Variants in B4GALT6 observed in about 807,000 individuals in gnomAD.
The protein encoded by B4GALT6 is UDP-Gal:beta-GlcNAc beta-1,4-galactosyltransferase 6.
Under a neutral mutation model 46.3 loss-of-function variants are expected in B4GALT6, and 14 were observed. That is an observed-to-expected ratio of 0.30 (90% CI 0.20 to 0.47). The LOEUF is 0.47. B4GALT6 is among the 20% of genes least tolerant of loss of function. The pLI, the probability that B4GALT6 is intolerant of heterozygous loss-of-function variation, is 0.99. For missense variants in B4GALT6, 386 were observed against 480.1 expected (o/e 0.80, Z 1.83); for synonymous variants, 168 against 162.0 (o/e 1.04, Z -0.28).
At chr18:31,651,609 C>T in intron 3 of B4GALT6, among the ~76,000 whole-genome samples, 1 of 152,120 alleles carries the variant, frequency 6.6e-6, no homozygotes, top group Non-Finnish European at 1.5e-5. Context: ...ACCTCTCCAC[C>T]TCATCTCCAA....
chr18:31,650,975 A>C (rs528250116), intron 3 of B4GALT6, among the ~76,000 whole-genome samples: 3 of 152,180 alleles, frequency 2.0e-5, no homozygotes, highest in East Asian at 3.9e-4. Context: ...ACCGTGTTAG[A>C]CAGGATGGTC....
intron 5 of B4GALT6, among the ~76,000 whole-genome samples, chr18:31,634,040 T>C (rs2073826224): frequency 6.6e-6 from 1 of 152,174 alleles, no homozygotes; most frequent in South Asian, 2.1e-4. Context: ...AGATCTGGAC[T>C]CTTTTTCCTG....
intron 1 of B4GALT6, among the ~76,000 whole-genome samples, chr18:31,679,774 C>T (rs975397171): frequency 6.6e-6 from 1 of 152,106 alleles, no homozygotes; most frequent in African/African-American, 2.4e-5. Context: ...GCAAAATAGC[C>T]CCCCAAAGAC....
chr18:31,668,109 A>G (rs1301003899), intron 1 of B4GALT6, among the ~76,000 whole-genome samples: 1 of 152,098 alleles, frequency 6.6e-6, no homozygotes, highest in African/African-American at 2.4e-5. Context: ...AAAAAAAAAA[A>G]AAGAATGAAG....
chr18:31,673,486 G>A (rs535472173), intron 1 of B4GALT6, among the ~76,000 whole-genome samples: 42 of 152,222 alleles, frequency 2.8e-4, no homozygotes, highest in African/African-American at 8.7e-4. Context: ...GGTCAGCAAC[G>A]AGGATGGACA....
chr18:31,638,197 T>C (rs2073884742), intron 5 of B4GALT6, among the ~76,000 whole-genome samples: 1 of 152,128 alleles, frequency 6.6e-6, no homozygotes, highest in Non-Finnish European at 1.5e-5. Flanking sequence ...AAGAAATATA[T>C]GGGCCCAATC....
At chr18:31,661,283 CAA>C (rs1349139069) in intron 2 of B4GALT6, among the ~76,000 whole-genome samples, 3 of 151,966 alleles carry the variant, frequency 2.0e-5, no homozygotes, top group African/African-American at 7.3e-5. Context: ...TCTTCCATAA[CAA>C]GAGTAGTTTA....
intron 2 of B4GALT6, among the ~76,000 whole-genome samples, chr18:31,665,259 A>G (rs1197502330): frequency 6.6e-6 from 1 of 152,250 alleles, no homozygotes; most frequent in Non-Finnish European, 1.5e-5. Flanking sequence ...TGAATCCTTT[A>G]AAGTAACACC....
At chr18:31,709,479 T>C in the B4GALT6 span, among the ~76,000 whole-genome samples, 3 of 148,874 alleles carry the variant, frequency 2.0e-5, no homozygotes, top group Admixed American at 6.7e-5. Flanking sequence ...CTTGGCACTC[T>C]GTGTTTCAGA....
Position 31,623,842 on chromosome 18 carries a change from A to G in B4GALT6, c.*1772T>C, listed in dbSNP as rs1477082923. On this transcript the variant is annotated 3_prime_UTR_variant, in exon 9 of 9. Coordinates refer to ENST00000306851, the MANE Select transcript of B4GALT6 (RefSeq NM_004775.5). ...ATATTGCCATAAAAATGACACTTCA[A>G]AATAAAACTTACAATCTGAGATAAA... 6.6e-6 allele frequency: 1 copy of G among 151,980 alleles called. No homozygotes were observed. The highest frequency in any genetic ancestry group is 1.5e-5 in the Non-Finnish European group (1 of 67,858). The allele number at this position is 151,980 out of a possible 1,614,324, so 9.4% of individuals were successfully genotyped here.
At chr18:31,685,705 G>A (rs1052299983), upstream of B4GALT6, 7 of 152,206 alleles carry the variant, frequency 4.6e-5, no homozygotes, top group South Asian at 2.1e-4. Flanking sequence ...TGTACCCTGG[G>A]GGTACATAAT....
chr18:31,679,606 T>A (rs184975897), intron 1 of B4GALT6, among the ~76,000 whole-genome samples: 266 of 152,304 alleles, frequency 1.7e-3, no homozygotes, highest in Admixed American at 3.6e-3. Context: ...GGAGTGAGTT[T>A]TATTACTCAG....
At chr18:31,656,341 C>T (rs998133525) in intron 3 of B4GALT6, among the ~76,000 whole-genome samples, 3 of 151,942 alleles carry the variant, frequency 2.0e-5, no homozygotes, top group Admixed American at 6.6e-5. Context: ...TTATTTAAAT[C>T]TTTATATCAA....
intron 2 of B4GALT6, among the ~76,000 whole-genome samples, chr18:31,662,096 C>G (rs182832890): frequency 4.1e-4 from 62 of 152,270 alleles, no homozygotes; most frequent in African/African-American, 1.4e-3. Context: ...AATTGTTCTA[C>G]TTTTTATTTT....
At chr18:31,634,239 AG>A (rs958603684) in intron 5 of B4GALT6, among the ~76,000 whole-genome samples, 2 of 152,218 alleles carry the variant, frequency 1.3e-5, no homozygotes, top group Non-Finnish European at 2.9e-5. Context: ...CAGCACTCTC[AG>A]CAGCTTCCTG....
chr18:31,713,324 C>T, the B4GALT6 span, among the ~76,000 whole-genome samples: 1 of 152,186 alleles, frequency 6.6e-6, no homozygotes, highest in Non-Finnish European at 1.5e-5. Flanking sequence ...TGCACTCCAG[C>T]CCGGGCAATA....
intron 3 of B4GALT6, 45 bp from the exon 4 acceptor site, chr18:31,645,524 C>G: frequency 6.3e-7 from 1 of 1,582,490 alleles, no homozygotes; most frequent in South Asian, 1.1e-5. Context: ...TTTTTTGCCT[C>G]AAAGATCTAG....
intron 5 of B4GALT6, among the ~76,000 whole-genome samples, chr18:31,635,773 G>A (rs191596563): frequency 5.7e-4 from 87 of 152,158 alleles, no homozygotes; most frequent in Middle Eastern, 3.4e-3. Flanking sequence ...AGCTGAGATC[G>A]TGCTATCGCA....
intron 1 of B4GALT6, among the ~76,000 whole-genome samples, chr18:31,678,132 T>C (rs774221415): frequency 1.5e-4 from 23 of 152,142 alleles, no homozygotes; most frequent in Non-Finnish European, 2.9e-4. Flanking sequence ...AAGCACACAG[T>C]ATAAACACAG....
Sources: allele counts gnomAD v4.1 joint callset (sites outside exome capture counted in the v4.1 genomes callset), GRCh38; gene constraint gnomAD v4.1.1; transcripts MANE v1.5; gene names NCBI Gene and HGNC (gene_info 2026-07-23, HGNC 2026-07-21).